Variants in CCL26 observed in about 807,000 individuals in gnomAD.
CCL26 encodes C-C motif chemokine 26.
A neutral mutation model predicts 10.7 loss-of-function variants in CCL26; 10 were observed. The ratio of observed to expected loss-of-function variants is 0.93; its 90% CI spans 0.57 to 1.58. The LOEUF is 1.58. Ranked by LOEUF, CCL26 falls within the 40% of genes most tolerant of loss-of-function variation. The pLI is 0.00. For missense variants in CCL26, 116 were observed against 111.0 expected, an observed-to-expected ratio of 1.05 and a Z score of -0.20; for synonymous variants, 43 against 41.4, an observed-to-expected ratio of 1.04 and a Z score of -0.15.
upstream of CCL26, among the ~76,000 whole-genome samples, chr7:75,777,181 G>A (rs1039562056): frequency 6.6e-5 from 10 of 152,058 alleles, no homozygotes; most frequent in African/African-American, 2.2e-4. Flanking sequence ...GCAGTGAGCC[G>A]AGATTGCACC....
chr7:75,787,266 G>A (rs1379935590), intron 1 of CCL26, among the ~76,000 whole-genome samples: 1 of 152,058 alleles, frequency 6.6e-6, no homozygotes, highest in Non-Finnish European at 1.5e-5. Context: ...CAGTTTCTCA[G>A]GCTCTTGGTA....
At chr7:75,774,001 A>C (rs1802884351), upstream of CCL26, among the ~76,000 whole-genome samples, 2 of 152,174 alleles carry the variant, frequency 1.3e-5, no homozygotes, top group Admixed American at 1.3e-4. Context: ...GAGAGCCACC[A>C]CACCTGGCTT....
At chr7:75,772,467 G>A (rs1341692081), upstream of CCL26, among the ~76,000 whole-genome samples, 10 of 152,060 alleles carry the variant, frequency 6.6e-5, no homozygotes, top group African/African-American at 2.4e-4. Flanking sequence ...GATCAGCCTG[G>A]CCAACATGGA....
rs782131249 is a variant in CCL26 at position 75,772,088 on chromosome 7, T to C, written c.73+16A>G. The C allele has an allele frequency of 5.6e-6, 9 of 1,602,432 alleles. No homozygotes were observed. The highest frequency in any genetic ancestry group is 1.7e-4 in the Middle Eastern group (1 of 6,032). On this transcript the variant is annotated intron_variant, in intron 1 of 2. Coordinates refer to ENST00000005180, the MANE Select transcript of CCL26 (RefSeq NM_001371938.1). ...CCGGGAAGGAACCCCAGGAGGGGAA[T>C]GGGCCAGCTACGTACGTGTGGCAGT...
chr7:75,779,288 C>T (rs536699843), intron 1 of CCL26, among the ~76,000 whole-genome samples: 1 of 152,180 alleles, frequency 6.6e-6, no homozygotes, highest in Admixed American at 6.5e-5. Flanking sequence ...TTGGTGGTCG[C>T]TTCACACGGA....
intron 1 of CCL26, among the ~76,000 whole-genome samples, chr7:75,786,945 AG>A (rs1803204972): frequency 6.6e-6 from 1 of 152,190 alleles, no homozygotes. Context: ...ATCATTTATC[AG>A]GGTTCCATCT....
chr7:75,772,044 C>T, intron 1 of CCL26, 41 bp from the exon 2 acceptor site: 1 of 1,605,098 alleles, frequency 6.2e-7, no homozygotes, highest in Non-Finnish European at 8.5e-7. Context: ...ATACTCATTT[C>T]CATCCACTCC....
chr7:75,776,043 C>T (rs1554528658), upstream of CCL26, among the ~76,000 whole-genome samples: 2 of 147,976 alleles, frequency 1.4e-5, no homozygotes, highest in Admixed American at 6.8e-5. Context: ...TCTGCAAAGG[C>T]CCTATTTTCA....
intron 1 of CCL26, among the ~76,000 whole-genome samples, chr7:75,777,387 C>T (rs1802963916): frequency 6.6e-6 from 1 of 151,984 alleles, no homozygotes; most frequent in Non-Finnish European, 1.5e-5. Context: ...TAACATAATA[C>T]AATACTATTC....
chr7:75,776,570 AAGG>A (rs1802946711), upstream of CCL26, among the ~76,000 whole-genome samples: 1 of 150,034 alleles, frequency 6.7e-6, no homozygotes, highest in African/African-American at 2.4e-5. Context: ...GGAAGGAAGG[AAGG>A]AAGGAAGGAA....
At chr7:75,787,666 A>G (rs1358426695) in intron 1 of CCL26, among the ~76,000 whole-genome samples, 2 of 131,338 alleles carry the variant, frequency 1.5e-5, no homozygotes, top group African/African-American at 5.7e-5. Flanking sequence ...AAAAAAAAAA[A>G]AAAAAAAAGA....
At chr7:75,769,889 C>T (rs1005277580) in intron 2 of CCL26, 100 bp from the exon 3 acceptor site, 6 of 724,166 alleles carry the variant, frequency 8.3e-6, no homozygotes, top group South Asian at 6.2e-5. Context: ...AGTCTTCTGG[C>T]CTTGCCACAA....
At chr7:75,773,263 G>T (rs1265165170), upstream of CCL26, among the ~76,000 whole-genome samples, 2 of 151,252 alleles carry the variant, frequency 1.3e-5, no homozygotes, top group East Asian at 3.9e-4. Flanking sequence ...GTCCCCACTA[G>T]AAATAAAAAA....
intron 1 of CCL26, among the ~76,000 whole-genome samples, chr7:75,783,004 T>G (rs1803099148): frequency 6.6e-6 from 1 of 152,098 alleles, no homozygotes. Context: ...CATCCTTCTA[T>G]CACCTCCCCT....
upstream of CCL26, among the ~76,000 whole-genome samples, chr7:75,775,214 A>G (rs1802912284): frequency 1.3e-5 from 2 of 151,980 alleles, no homozygotes; most frequent in Non-Finnish European, 1.5e-5. Context: ...GCGAGACTCC[A>G]TTTCAGAAGG....
chr7:75,771,929 A>C lies in CCL26; in HGVS notation c.148T>G (p.Tyr50Asp), dbSNP rs782045148. The change falls in exon 2 of 3, where the codon TAT (tyrosine) becomes GAT (aspartate). Residue 50 changes from tyrosine (Y) to aspartate (D), a missense_variant. Physicochemically the swap from Tyr to Asp is radical, Grantham distance 160. Transcript: ENST00000005180. ...KPLPWTWVRS[Y>D]EFTSNSCSQR... Reference sequence around the variant, plus strand: ...GAGCAGCTGTTACTGGTGAATTCATAGCTTCGCACCCAGGTCCAGGGAAGG... The same window carrying C: ...GAGCAGCTGTTACTGGTGAATTCATCGCTTCGCACCCAGGTCCAGGGAAGG... 5.0e-6 allele frequency: 8 copies of C among 1,613,952 alleles called. No individual in the cohort carries two copies. In the South Asian group the frequency reaches 7.7e-5, roughly 16 times the overall value.
intron 1 of CCL26, among the ~76,000 whole-genome samples, chr7:75,789,483 A>G (rs375981995): frequency 7.1e-6 from 1 of 140,910 alleles, no homozygotes; most frequent in African/African-American, 2.6e-5. Flanking sequence ...TTTTTGCCAG[A>G]ATGTTTCTCA....
At chr7:75,770,872 G>T (rs375392785) in intron 2 of CCL26, among the ~76,000 whole-genome samples, 2 of 152,130 alleles carry the variant, frequency 1.3e-5, no homozygotes, top group African/African-American at 4.8e-5. Context: ...CAGCTTTGTT[G>T]GGATATAATT....
intron 1 of CCL26, among the ~76,000 whole-genome samples, chr7:75,783,575 G>A (rs1004072417): frequency 7.9e-5 from 12 of 152,048 alleles, no homozygotes; most frequent in Non-Finnish European, 1.0e-4. Flanking sequence ...CGAGGTGGGC[G>A]GATCACGAGG....
Sources: allele counts gnomAD v4.1 joint callset (sites outside exome capture counted in the v4.1 genomes callset), GRCh38; gene constraint gnomAD v4.1.1; transcripts MANE v1.5; gene names NCBI Gene and HGNC (gene_info 2026-07-23, HGNC 2026-07-21).